DPP6: variants seen among roughly 807,000 people sequenced by gnomAD.
DPP6 encodes dipeptidyl peptidase like 6.
A neutral mutation model predicts 122.6 loss-of-function variants in DPP6; 69 were observed. The observed-to-expected ratio is 0.56, with a 90% confidence interval of 0.46 to 0.69. The LOEUF (loss-of-function observed/expected upper bound fraction) is 0.69. Ranked by LOEUF, DPP6 falls within the 30% of genes least tolerant of loss-of-function variation. The probability of loss-of-function intolerance (pLI) is 0.00; values close to 1 mark genes in which losing one functional copy is unlikely to be tolerated. For missense variants in DPP6, 928 were observed against 1,116.9 expected (o/e 0.83, Z 2.41); for synonymous variants, 418 against 433.1 (o/e 0.97, Z 0.43).
intron 1 of DPP6, among the ~76,000 whole-genome samples, chr7:154,239,154 T>A (rs1801407082): frequency 6.6e-6 from 1 of 152,234 alleles, no homozygotes; most frequent in Non-Finnish European, 1.5e-5. Context: ...AATTCTTTCA[T>A]GGTACCGAGC....
the DPP6 span, among the ~76,000 whole-genome samples, chr7:153,815,331 ACG>A: frequency 4.7e-4 from 72 of 152,230 alleles, no homozygotes; most frequent in African/African-American, 1.5e-3. Flanking sequence ...AAACATATAA[ACG>A]CTGGAATCCT....
intron 7 of DPP6, among the ~76,000 whole-genome samples, chr7:154,673,827 T>A (rs1240492168): frequency 3.3e-5 from 5 of 152,130 alleles, no homozygotes; most frequent in Non-Finnish European, 5.9e-5. Context: ...TCTTTCCTCA[T>A]TGTGTCCTCT....
chr7:154,486,533 C>T lies in DPP6; in HGVS notation c.457+11496C>T, dbSNP rs1309432084. On this transcript the variant is annotated intron_variant, in intron 3 of 25. Transcript: ENST00000377770. This position sits in a 1 kb window ranked among gnomAD's most constrained non-coding sequence, Gnocchi z 4.5. The stretch of plus-strand genomic sequence containing the variant: ...TTTCTGAAAATACCGTTGCTCATCA[C>T]TTCTCTGCTTCAGAAAGTCTCATTA... Among the ~76,000 whole-genome samples the T allele has an allele frequency of 6.6e-6, 1 of 152,232 alleles. No homozygotes were observed. The highest frequency in any genetic ancestry group is 1.5e-5 in the Non-Finnish European group (1 of 68,042).
intron 1 of DPP6, among the ~76,000 whole-genome samples, chr7:153,988,355 C>G (rs1300065483): frequency 2.3e-5 from 2 of 87,422 alleles, no homozygotes; most frequent in Non-Finnish European, 4.7e-5. Flanking sequence ...TGGTTGCGAC[C>G]CATCAGAAAG....
intron 1 of DPP6, among the ~76,000 whole-genome samples, chr7:154,292,310 AG>A (rs768971072): frequency 5.3e-5 from 8 of 152,166 alleles, no homozygotes; most frequent in Non-Finnish European, 1.2e-4. Context: ...CATCCCACGC[AG>A]GGTGGGCTTT....
chr7:153,936,281 G>A (rs908414057), intron 1 of DPP6, among the ~76,000 whole-genome samples: 2 of 152,082 alleles, frequency 1.3e-5, no homozygotes, highest in African/African-American at 4.8e-5. Context: ...TATATGAAAT[G>A]TTCTCCAGGA....
At chr7:154,505,488 G>A (rs1366346925) in intron 3 of DPP6, among the ~76,000 whole-genome samples, 3 of 152,148 alleles carry the variant, frequency 2.0e-5, no homozygotes, top group Non-Finnish European at 4.4e-5. Context: ...CCGGGACACC[G>A]CAGTGCATCT....
At chr7:154,704,038 A>G (rs965410122) in intron 7 of DPP6, among the ~76,000 whole-genome samples, 1 of 152,264 alleles carries the variant, frequency 6.6e-6, no homozygotes, top group Non-Finnish European at 1.5e-5. Context: ...CCTTCTGGAA[A>G]GGATTTATCA....
chr7:154,084,835 A>G (rs1466998049), intron 1 of DPP6, among the ~76,000 whole-genome samples: 1 of 150,810 alleles, frequency 6.6e-6, no homozygotes, highest in Non-Finnish European at 1.5e-5. Flanking sequence ...TAAAAATACA[A>G]AAAAATTAGC....
rs201730275 is a variant in DPP6, at chr7:154,481,511, G to A, written c.457+6474G>A. ...ACAGACCCCCCGCTGCCCACTGTGC[G>A]AGCACAGCCCTGGCCCCCCGACCCT... On this transcript the variant is annotated intron_variant, in intron 3 of 25. Transcript: ENST00000377770. The surrounding 1 kb of genome is among the most constrained non-coding windows in gnomAD (Gnocchi z 4.2). Among the ~76,000 whole-genome samples the A allele has an allele frequency of 1.4e-4, 20 of 139,008 alleles. No individual in the cohort carries two copies. Among genetic ancestry groups the A allele is most frequent in the African/African-American group, 4.1e-4 (15 of 36,596 alleles). 91.2% of individuals were successfully genotyped at this position (139,008 alleles called of 152,430 possible).
Position 154,598,592 on chromosome 7 carries a change from A to G in DPP6, c.627+31676A>G, listed in dbSNP as rs185831259. Among the ~76,000 whole-genome samples the G allele has an allele frequency of 3.8e-3, 583 of 152,344 alleles. 2 individuals carry two copies. The highest frequency in any genetic ancestry group is 4.2e-3 in the Non-Finnish European group (288 of 68,038). On this transcript the variant is annotated intron_variant, in intron 5 of 25. Coordinates refer to ENST00000377770, the MANE Select transcript of DPP6 (RefSeq NM_130797.4). ...GCACGTCTGTTAGACAAAAGGCTGC[A>G]GTTATCCCCTAGAAACAATCAAACA...
chr7:154,119,608 C>T lies in DPP6; in HGVS notation c.243+66545C>T, dbSNP rs535546523. On this transcript the variant is annotated intron_variant, in intron 1 of 25. Transcript: ENST00000377770. Reference sequence around the variant, plus strand: ...TCTCTGGAACTTTGCAGGTGGGTCTCCAGACTTGGTTCATGTGTCTCAAGA... The same window carrying T: ...TCTCTGGAACTTTGCAGGTGGGTCTTCAGACTTGGTTCATGTGTCTCAAGA... 1.7e-3 allele frequency among the ~76,000 whole-genome samples: 244 copies of T among 139,712 alleles called. 4 individuals are homozygous for T. The highest frequency in any genetic ancestry group is 6.0e-3 in the African/African-American group (238 of 39,816). The allele number at this position is 139,712 out of a possible 152,430, so 91.7% of individuals were successfully genotyped here. A position where few individuals can be genotyped will look rare whatever the true frequency, so the allele number is the denominator to read the frequency against.
chr7:153,999,692 C>T (rs998461878), intron 1 of DPP6, among the ~76,000 whole-genome samples: 2 of 152,204 alleles, frequency 1.3e-5, no homozygotes, highest in African/African-American at 4.8e-5. Context: ...TGGGGGGTGG[C>T]TCACGCCTAT....
chr7:153,834,385 G>C, the DPP6 span, among the ~76,000 whole-genome samples: 1 of 151,898 alleles, frequency 6.6e-6, no homozygotes, highest in Non-Finnish European at 1.5e-5. Context: ...GTCAGCCATG[G>C]TGTAGATCTG....
At chr7:154,234,985 A>G (rs777626082) in intron 1 of DPP6, among the ~76,000 whole-genome samples, 2 of 152,230 alleles carry the variant, frequency 1.3e-5, no homozygotes, top group Non-Finnish European at 2.9e-5. Context: ...TGGCCATTGT[A>G]TGATGGGTTT....
At chr7:154,656,900 T>C (rs138920569) in intron 6 of DPP6, among the ~76,000 whole-genome samples, 14,816 of 27,392 alleles carry the variant, frequency 0.54, 5,579 homozygotes, top group Non-Finnish European at 0.76. Context: ...GAGGAGGTGC[T>C]CATGGGTGGG....
At chr7:154,871,922 G>T (rs1320781178) in intron 18 of DPP6, among the ~76,000 whole-genome samples, 1 of 152,230 alleles carries the variant, frequency 6.6e-6, no homozygotes, top group African/African-American at 2.4e-5. Flanking sequence ...TGGTGAGGCA[G>T]GTTTTTGAGG....
chr7:154,478,075 A>T (rs1241953926), intron 3 of DPP6, among the ~76,000 whole-genome samples: 1 of 152,076 alleles, frequency 6.6e-6, no homozygotes, highest in Non-Finnish European at 1.5e-5. Flanking sequence ...AATAGCTTAA[A>T]GTGAATGAAG....
chr7:154,438,469 C>CAAACAA (rs1819077625), intron 1 of DPP6, among the ~76,000 whole-genome samples: 1 of 37,464 alleles, frequency 2.7e-5, no homozygotes. Flanking sequence ...GACTCCAACT[C>CAAACAA]AAAAAAAAAA....
Sources: allele counts gnomAD v4.1 joint callset (sites outside exome capture counted in the v4.1 genomes callset), GRCh38; gene constraint gnomAD v4.1.1; non-coding constraint Gnocchi (gnomAD v3.1); transcripts MANE v1.5; gene names NCBI Gene and HGNC (gene_info 2026-07-23, HGNC 2026-07-21).